Variants in SLC44A5 observed in about 807,000 individuals in gnomAD.
SLC44A5 encodes the protein solute carrier family 44 member 5.
A neutral mutation model predicts 101.8 loss-of-function variants in SLC44A5; 57 were observed. The ratio of observed to expected loss-of-function variants is 0.56; its 90% CI spans 0.45 to 0.70. The LOEUF is 0.70. Ranked by LOEUF, SLC44A5 falls within the 30% of genes least tolerant of loss-of-function variation. The probability of loss-of-function intolerance (pLI) is 0.00; values close to 1 mark genes in which losing one functional copy is unlikely to be tolerated. For synonymous variants in SLC44A5, 281 were observed against 290.9 expected (o/e 0.97, Z 0.35); for missense variants, 737 against 853.1 (o/e 0.86, Z 1.70).
At chr1:75,431,244 C>G (rs1362029737) in intron 2 of SLC44A5, among the ~76,000 whole-genome samples, 1 of 152,048 alleles carries the variant, frequency 6.6e-6, no homozygotes, top group Non-Finnish European at 1.5e-5. Context: ...AAGGAAGAAA[C>G]AAAGCAAATA....
chr1:75,385,127 C>A (rs1485925723), intron 3 of SLC44A5, among the ~76,000 whole-genome samples: 1 of 151,432 alleles, frequency 6.6e-6, no homozygotes, highest in African/African-American at 2.4e-5. Context: ...AATTGACACC[C>A]TAACATCACA....
At chr1:75,468,317 G>T (rs1008750194) in intron 2 of SLC44A5, among the ~76,000 whole-genome samples, 1 of 152,020 alleles carries the variant, frequency 6.6e-6, no homozygotes, top group Admixed American at 6.6e-5. Flanking sequence ...CCTACTGCTG[G>T]GTATACACCC....
chr1:75,609,646 G>A (rs1450678043), intron 1 of SLC44A5, among the ~76,000 whole-genome samples: 1 of 152,016 alleles, frequency 6.6e-6, no homozygotes, highest in Non-Finnish European at 1.5e-5. Context: ...CAAAAAAGCA[G>A]AGGAGAAAGC....
At chr1:75,592,914 C>T (rs185488125) in intron 1 of SLC44A5, among the ~76,000 whole-genome samples, 2 of 152,180 alleles carry the variant, frequency 1.3e-5, no homozygotes, top group African/African-American at 4.8e-5. Flanking sequence ...GGAAAACTCT[C>T]CAGGACATTG....
chr1:75,222,216 A>C, intron 14 of SLC44A5, 145 bp downstream of exon 14: 1 of 613,604 alleles, frequency 1.6e-6, no homozygotes, highest in Non-Finnish European at 2.9e-6. Flanking sequence ...TCGGCCTCCC[A>C]AAGTGCTGGG....
intron 2 of SLC44A5, among the ~76,000 whole-genome samples, chr1:75,479,921 T>C (rs2101768247): frequency 6.6e-6 from 1 of 152,330 alleles, no homozygotes; most frequent in Admixed American, 6.5e-5. Context: ...ATCATCCTGA[T>C]ACCAAAGCCG....
At chr1:75,541,299 GTTT>G in intron 2 of SLC44A5, 133 bp downstream of exon 2, 1 of 669,620 alleles carries the variant, frequency 1.5e-6, no homozygotes. Context: ...ACATGCTGTA[GTTT>G]TCCAGGTGCA....
the SLC44A5 span, among the ~76,000 whole-genome samples, chr1:75,637,872 T>C: frequency 6.6e-6 from 1 of 151,966 alleles, no homozygotes; most frequent in East Asian, 1.9e-4. Context: ...ATCCATGAGA[T>C]CCCCTTAAAT....
the SLC44A5 span, chr1:75,677,827 T>C: frequency 2.6e-6 from 1 of 389,302 alleles, no homozygotes; most frequent in Non-Finnish European, 4.9e-6. Flanking sequence ...AGATGGGTGA[T>C]TTCTGCATTT....
At chr1:75,714,015 T>G in the SLC44A5 span, among the ~76,000 whole-genome samples, 1 of 152,294 alleles carries the variant, frequency 6.6e-6, no homozygotes, top group East Asian at 1.9e-4. Flanking sequence ...TTGTCCAGGC[T>G]GGTCTCAAAC....
chr1:75,214,040 G>T, intron 20 of SLC44A5, 51 bp from the exon 21 acceptor site: 1 of 1,180,386 alleles, frequency 8.5e-7, no homozygotes, highest in Non-Finnish European at 1.2e-6. Context: ...AATATACTTG[G>T]TACTTGAAAT....
At chr1:75,679,748 A>T in the SLC44A5 span, among the ~76,000 whole-genome samples, 1 of 152,174 alleles carries the variant, frequency 6.6e-6, no homozygotes, top group Non-Finnish European at 1.5e-5. Flanking sequence ...ACAGGATCAA[A>T]TTCACACATA....
intron 2 of SLC44A5, among the ~76,000 whole-genome samples, chr1:75,425,738 C>T (rs902279771): frequency 2.6e-5 from 4 of 152,176 alleles, no homozygotes; most frequent in Non-Finnish European, 5.9e-5. Context: ...CCCCCTTGAA[C>T]ATGCCATGCT....
In SLC44A5 at chr1:75,510,040, C is replaced by T. The variant is rs757149671; in HGVS notation, c.13+31395G>A. Among the ~76,000 whole-genome samples, 157 of 152,258 alleles carry T rather than the reference C, an allele frequency of 1.0e-3. 3 individuals are homozygous for T. Among genetic ancestry groups the T allele is most frequent in the Middle Eastern group, 3.4e-3 (1 of 294 alleles). On this transcript the variant is annotated intron_variant, in intron 2 of 23. Transcript: ENST00000370859. ...AAAGAGCATGTGCAGGGAAACTCCC[C>T]TTTATAAAACCATCAGATCTCATGA...
intron 2 of SLC44A5, among the ~76,000 whole-genome samples, chr1:75,514,509 A>G (rs1160177144): frequency 6.6e-6 from 1 of 152,208 alleles, no homozygotes; most frequent in Non-Finnish European, 1.5e-5. Flanking sequence ...GGCATGATTC[A>G]TTTCTTTTTG....
intron 2 of SLC44A5, among the ~76,000 whole-genome samples, chr1:75,411,210 T>C (rs970224633): frequency 1.3e-5 from 2 of 152,090 alleles, no homozygotes; most frequent in Non-Finnish European, 2.9e-5. Context: ...CATTTCAATG[T>C]ATCAATTTAA....
At chr1:75,494,100 C>T (rs1668553561) in intron 2 of SLC44A5, among the ~76,000 whole-genome samples, 1 of 152,180 alleles carries the variant, frequency 6.6e-6, no homozygotes, top group South Asian at 2.1e-4. Flanking sequence ...GTCATCGGGG[C>T]AATGCCATTA....
chr1:75,644,643 T>TATA, the SLC44A5 span, among the ~76,000 whole-genome samples: 159 of 111,474 alleles, frequency 1.4e-3, 1 homozygote, highest in East Asian at 0.016. Context: ...TATATATATA[T>TATA]TTTTTTTTAA....
intron 2 of SLC44A5, among the ~76,000 whole-genome samples, chr1:75,522,469 A>G (rs1028378393): frequency 6.6e-6 from 1 of 151,902 alleles, no homozygotes; most frequent in Non-Finnish European, 1.5e-5. Context: ...TGATTCAGAC[A>G]TCTTATCTCT....
Sources: allele counts gnomAD v4.1 joint callset (sites outside exome capture counted in the v4.1 genomes callset), GRCh38; gene constraint gnomAD v4.1.1; transcripts MANE v1.5; gene names NCBI Gene and HGNC (gene_info 2026-07-23, HGNC 2026-07-21).